Variants in PLCL2 observed in about 807,000 individuals in gnomAD.
PLCL2 encodes the protein phospholipase C like 2.
PLCL2 carries 4 observed loss-of-function variants against 79.6 expected under a neutral mutation model. That is an observed-to-expected ratio of 0.05 (90% CI 0.02 to 0.11). The LOEUF is 0.11. PLCL2 is among the 10% of genes least tolerant of loss of function. The pLI is 1.00. For synonymous variants in PLCL2, 484 were observed against 457.7 expected (o/e 1.06, Z -0.73); for missense variants, 895 against 1,291.0 (o/e 0.69, Z 4.70).
intron 1 of PLCL2, among the ~76,000 whole-genome samples, chr3:16,937,984 G>A (rs912887178): frequency 3.9e-5 from 6 of 152,274 alleles, no homozygotes; most frequent in African/African-American, 2.4e-5. Flanking sequence ...GGCAATTCAC[G>A]TGTAATTTGA....
intron 1 of PLCL2, among the ~76,000 whole-genome samples, chr3:16,956,229 T>A (rs1256756324): frequency 2.0e-5 from 3 of 152,248 alleles, no homozygotes; most frequent in Admixed American, 2.0e-4. Context: ...TTGAGAGTTT[T>A]TAGCATGAAG....
rs1207833282 is a variant in PLCL2, at chr3:16,884,977, G to A, written c.-63G>A. On this transcript the variant is annotated 5_prime_UTR_variant, in exon 1 of 6. Transcript: ENST00000615277. This position sits in a 1 kb window ranked among gnomAD's most constrained non-coding sequence, Gnocchi z 9.3. ...GGAGGGGCCGCGCGCGGCGGCCCGA[G>A]GCGGCGGCGGGGACGCGGGGACGCG... 1 of 173,750 alleles carries A rather than the reference G, an allele frequency of 5.8e-6. No homozygotes were observed. Among genetic ancestry groups the A allele is most frequent in the Non-Finnish European group, 1.2e-5 (1 of 84,074 alleles). The allele number at this position is 173,750 out of a possible 1,614,324, so 10.8% of individuals were successfully genotyped here.
At chr3:17,056,344 A>T (rs2064892675) in intron 4 of PLCL2, among the ~76,000 whole-genome samples, 1 of 152,168 alleles carries the variant, frequency 6.6e-6, no homozygotes, top group African/African-American at 2.4e-5. Context: ...TGTGTATATT[A>T]GGTATCCTTA....
intron 5 of PLCL2, among the ~76,000 whole-genome samples, chr3:17,076,593 T>C (rs1279273017): frequency 2.0e-5 from 3 of 151,966 alleles, no homozygotes; most frequent in Non-Finnish European, 2.9e-5. Context: ...GCCTCAACCT[T>C]CTGGGCCGAA....
intron 1 of PLCL2, among the ~76,000 whole-genome samples, chr3:16,996,892 A>G (rs1413659499): frequency 6.6e-6 from 1 of 152,272 alleles, no homozygotes; most frequent in African/African-American, 2.4e-5. Flanking sequence ...TTATTTACCT[A>G]TCTGTCCTTG....
At chr3:16,921,818 G>A (rs1039608823) in intron 1 of PLCL2, among the ~76,000 whole-genome samples, 2 of 152,118 alleles carry the variant, frequency 1.3e-5, no homozygotes, top group Non-Finnish European at 2.9e-5. Context: ...ATTTGATTGT[G>A]AAGGGTCCAG....
intron 1 of PLCL2, among the ~76,000 whole-genome samples, chr3:16,918,021 T>G (rs1697037194): frequency 6.6e-6 from 1 of 152,206 alleles, no homozygotes; most frequent in South Asian, 2.1e-4. Context: ...AGAAAAAATT[T>G]GGATGAGTAC....
chr3:17,000,643 TTTAAG>T (rs760463587), intron 1 of PLCL2, among the ~76,000 whole-genome samples: 20 of 152,058 alleles, frequency 1.3e-4, no homozygotes, highest in Non-Finnish European at 5.9e-5. Context: ...CCTCCATGAG[TTTAAG>T]TTTTTTAGCT....
At chr3:17,049,581 T>C (rs980175005) in intron 4 of PLCL2, among the ~76,000 whole-genome samples, 10 of 152,050 alleles carry the variant, frequency 6.6e-5, no homozygotes, top group Non-Finnish European at 8.8e-5. Context: ...CCACTTAAAA[T>C]AGCCCCAAAT....
intron 1 of PLCL2, among the ~76,000 whole-genome samples, chr3:16,958,950 G>T (rs1278967333): frequency 6.6e-6 from 1 of 152,050 alleles, no homozygotes; most frequent in Non-Finnish European, 1.5e-5. Context: ...AGTTATCTTT[G>T]CACTCTGTTT....
At chr3:17,031,471 A>T (rs908532802) in intron 3 of PLCL2, among the ~76,000 whole-genome samples, 11 of 152,162 alleles carry the variant, frequency 7.2e-5, no homozygotes, top group Admixed American at 2.0e-4. Flanking sequence ...CATAAATTTC[A>T]TGCTGTCTGG....
At position 17,009,153 on chromosome 3, in the gene PLCL2, T is replaced by G. The variant is rs564193753; in HGVS notation, c.328-521T>G. Among the ~76,000 whole-genome samples, 2 of 151,104 alleles carry G rather than the reference T, an allele frequency of 1.3e-5. No homozygotes were observed. The highest frequency in any genetic ancestry group is 3.9e-4 in the East Asian group (2 of 5,140). On this transcript the variant is annotated intron_variant, in intron 1 of 5. Coordinates refer to ENST00000615277, the MANE Select transcript of PLCL2 (RefSeq NM_001144382.2). The surrounding 1 kb of genome is among the most constrained non-coding windows in gnomAD (Gnocchi z 4.0). ...GCACCCGCCACCATGCCCGGCTAAT[T>G]TTTGTATTTTTAGTAGAGACAGGGT...
At chr3:17,060,597 C>T (rs145741288) in intron 4 of PLCL2, among the ~76,000 whole-genome samples, 1 of 152,176 alleles carries the variant, frequency 6.6e-6, no homozygotes, top group African/African-American at 2.4e-5. Context: ...TTTACAAAGG[C>T]TGTACATTTA....
intron 5 of PLCL2, 21 bp from the exon 6 acceptor site, chr3:17,089,712 T>G (rs1010314624): frequency 1.4e-6 from 2 of 1,417,150 alleles, no homozygotes; most frequent in Admixed American, 1.7e-5. Context: ...TAATACTGTT[T>G]AATTGCATGT....
chr3:17,055,246 C>T (rs1354676498), intron 4 of PLCL2, among the ~76,000 whole-genome samples: 1 of 152,136 alleles, frequency 6.6e-6, no homozygotes, highest in Non-Finnish European at 1.5e-5. Flanking sequence ...GGATATTGAA[C>T]CACCACATCT....
At chr3:17,066,789 A>G (rs2065015030) in intron 4 of PLCL2, among the ~76,000 whole-genome samples, 1 of 152,226 alleles carries the variant, frequency 6.6e-6, no homozygotes, top group African/African-American at 2.4e-5. Flanking sequence ...ACCAACATGC[A>G]GGACACTGTA....
chr3:17,010,836 G>T lies in PLCL2; in HGVS notation c.1490G>T (p.Arg497Leu). 1.2e-6 allele frequency: 2 copies of T among 1,614,062 alleles called. No homozygotes were observed. The highest frequency in any genetic ancestry group is 1.7e-6 in the Non-Finnish European group (2 of 1,179,990). Residue 497 changes from arginine (R) to leucine (L), a missense_variant, in exon 2 of 6, where the codon CGC becomes CTC. Around this residue, in one of 6 missense-constraint regions of PLCL2, gnomAD observed 242 missense variants for 399.5 expected, o/e 0.61. Transcript: ENST00000615277. This position sits in a 1 kb window ranked among gnomAD's most constrained non-coding sequence, Gnocchi z 5.8. ...ACCATGACCTCTCAGATAGTTTTCC[G>T]CAGTGTCATTGATATTATTAACAAG... ...GHTMTSQIVFRSVIDIINKYA... is the reference protein window; with the variant it reads ...GHTMTSQIVFLSVIDIINKYA...
intron 1 of PLCL2, among the ~76,000 whole-genome samples, chr3:16,938,273 G>A (rs1230205898): frequency 1.3e-5 from 2 of 152,158 alleles, no homozygotes; most frequent in Non-Finnish European, 2.9e-5. Flanking sequence ...ACCTTGTAAT[G>A]CAGTTTTAAA....
chr3:17,050,475 A>C (rs539111504), intron 4 of PLCL2, among the ~76,000 whole-genome samples: 1 of 152,300 alleles, frequency 6.6e-6, no homozygotes, highest in African/African-American at 2.4e-5. Flanking sequence ...CCAATTTTAA[A>C]ATGGGCAAAA....
Sources: allele counts gnomAD v4.1 joint callset (sites outside exome capture counted in the v4.1 genomes callset), GRCh38; gene constraint gnomAD v4.1.1; regional missense constraint gnomAD v4.1.1; non-coding constraint Gnocchi (gnomAD v3.1); transcripts MANE v1.5; gene names NCBI Gene and HGNC (gene_info 2026-07-23, HGNC 2026-07-21).